Variants in ZNF385D observed in about 807,000 individuals in gnomAD.
ZNF385D encodes the protein zinc finger protein 659.
Under a neutral mutation model 35.8 loss-of-function variants are expected in ZNF385D, and 15 were observed. That is an observed-to-expected ratio of 0.42 (90% CI 0.28 to 0.64). ZNF385D has a LOEUF of 0.64. ZNF385D is among the 30% of genes least tolerant of loss of function. The probability of loss-of-function intolerance (pLI) is 0.23; values close to 1 mark genes in which losing one functional copy is unlikely to be tolerated. For synonymous variants in ZNF385D, 212 were observed against 186.8 expected (o/e 1.13, Z -1.10); for missense variants, 474 against 494.6 (o/e 0.96, Z 0.39).
intron 3 of ZNF385D, among the ~76,000 whole-genome samples, chr3:21,978,842 C>T (rs1316260785): frequency 2.0e-5 from 3 of 151,762 alleles, no homozygotes; most frequent in Admixed American, 1.3e-4. Flanking sequence ...GCATTAGTGA[C>T]CTTGACTGTA....
At chr3:22,102,896 G>A (rs1445262533) in intron 3 of ZNF385D, among the ~76,000 whole-genome samples, 38 of 97,664 alleles carry the variant, frequency 3.9e-4, no homozygotes, top group African/African-American at 1.7e-3. Context: ...ATTTATCAGG[G>A]AAAAAAAAAA....
At chr3:21,855,406 T>C (rs1247050488) in intron 3 of ZNF385D, among the ~76,000 whole-genome samples, 1 of 152,158 alleles carries the variant, frequency 6.6e-6, no homozygotes, top group Middle Eastern at 3.4e-3. Flanking sequence ...CATCTCTTCA[T>C]GGAGATAAGG....
chr3:22,317,915 G>A (rs759181862), intron 2 of ZNF385D, among the ~76,000 whole-genome samples: 9 of 152,168 alleles, frequency 5.9e-5, no homozygotes, highest in Non-Finnish European at 1.3e-4. Flanking sequence ...ACAAAAATTA[G>A]CCAGGCATGG....
At chr3:21,985,865 G>T (rs1694772685) in intron 3 of ZNF385D, among the ~76,000 whole-genome samples, 1 of 125,268 alleles carries the variant, frequency 8.0e-6, no homozygotes, top group Non-Finnish European at 1.6e-5. Context: ...GGTCTATTCA[G>T]AGATTCAACT....
At chr3:21,920,855 T>A (rs1700423541) in intron 3 of ZNF385D, among the ~76,000 whole-genome samples, 1 of 152,128 alleles carries the variant, frequency 6.6e-6, no homozygotes, top group Non-Finnish European at 1.5e-5. Context: ...ATGATTAACT[T>A]CAATACATGC....
At chr3:22,171,504 G>T (rs929345981) in intron 2 of ZNF385D, among the ~76,000 whole-genome samples, 22 of 152,174 alleles carry the variant, frequency 1.4e-4, no homozygotes, top group African/African-American at 5.1e-4. Flanking sequence ...ACTTTAAAAG[G>T]AAATAGAAAA....
chr3:22,260,536 T>A (rs1700574612), intron 2 of ZNF385D, among the ~76,000 whole-genome samples: 2 of 151,966 alleles, frequency 1.3e-5, no homozygotes, highest in Non-Finnish European at 1.5e-5. Flanking sequence ...TACATTAGAA[T>A]TGATTTTGAT....
At chr3:22,293,152 A>G (rs527249441) in intron 2 of ZNF385D, among the ~76,000 whole-genome samples, 1 of 152,138 alleles carries the variant, frequency 6.6e-6, no homozygotes, top group Non-Finnish European at 1.5e-5. Context: ...AAAAGCCTTC[A>G]TAGAAATCCC....
At chr3:21,716,481 T>C (rs1022007669) in intron 1 of ZNF385D, among the ~76,000 whole-genome samples, 1 of 152,176 alleles carries the variant, frequency 6.6e-6, no homozygotes, top group Non-Finnish European at 1.5e-5. Flanking sequence ...CTCTGTATTA[T>C]TTCTCTGACA....
intron 3 of ZNF385D, among the ~76,000 whole-genome samples, chr3:21,961,820 G>C (rs1274506570): frequency 1.3e-5 from 2 of 152,040 alleles, no homozygotes; most frequent in African/African-American, 2.4e-5. Context: ...GGATGGGATG[G>C]GGAGCAACTC....
At chr3:22,285,466 A>G (rs906569991) in intron 2 of ZNF385D, among the ~76,000 whole-genome samples, 1 of 152,178 alleles carries the variant, frequency 6.6e-6, no homozygotes, top group Non-Finnish European at 1.5e-5. Context: ...TTCTCTACTG[A>G]AAAATGTAAA....
chr3:21,943,242 T>C (rs1038123282), intron 3 of ZNF385D, among the ~76,000 whole-genome samples: 3 of 151,844 alleles, frequency 2.0e-5, no homozygotes, highest in Non-Finnish European at 4.4e-5. Context: ...TAGTAAATAC[T>C]AAATGGATAT....
At chr3:21,456,669 G>A (rs1702836275) in intron 4 of ZNF385D, among the ~76,000 whole-genome samples, 1 of 152,062 alleles carries the variant, frequency 6.6e-6, no homozygotes, top group Non-Finnish European at 1.5e-5. Context: ...ACACCAACAT[G>A]TCACATGTAT....
At chr3:21,586,857 GTAT>G (rs1166315745) in intron 2 of ZNF385D, among the ~76,000 whole-genome samples, 2 of 152,180 alleles carry the variant, frequency 1.3e-5, no homozygotes, top group Non-Finnish European at 2.9e-5. Flanking sequence ...GAATTAGCAA[GTAT>G]TGAAATAAAG....
intron 3 of ZNF385D, among the ~76,000 whole-genome samples, chr3:22,077,530 G>C (rs923837114): frequency 2.6e-5 from 4 of 151,900 alleles, no homozygotes; most frequent in Admixed American, 1.3e-4. Flanking sequence ...GTCTTCTTTT[G>C]TCTTAGCAAA....
At chr3:21,771,154 G>C (rs1346536742) in intron 3 of ZNF385D, among the ~76,000 whole-genome samples, 2 of 151,730 alleles carry the variant, frequency 1.3e-5, no homozygotes, top group Admixed American at 6.6e-5. Context: ...ACGAGTTAAT[G>C]GGTGCAGCAC....
chr3:22,179,733 A>T (rs189501851), intron 2 of ZNF385D, among the ~76,000 whole-genome samples: 9 of 152,266 alleles, frequency 5.9e-5, no homozygotes, highest in Admixed American at 3.9e-4. Context: ...GTTCTTTGAA[A>T]CCAATGAGAA....
chr3:21,894,259 T>C (rs1699021635), intron 3 of ZNF385D, among the ~76,000 whole-genome samples: 1 of 152,178 alleles, frequency 6.6e-6, no homozygotes, highest in Non-Finnish European at 1.5e-5. Context: ...AGGTTAATAA[T>C]CCACTGTCAC....
At chr3:22,037,929 C>T (rs182514427) in intron 3 of ZNF385D, among the ~76,000 whole-genome samples, 3 of 152,198 alleles carry the variant, frequency 2.0e-5, no homozygotes, top group African/African-American at 7.2e-5. Flanking sequence ...TGCCACATAT[C>T]TACAACTATC....
Sources: gnomAD v4.1 joint callset for allele counts (sites outside exome capture counted in the v4.1 genomes callset) on GRCh38, gnomAD v4.1.1 for gene constraint, MANE v1.5 for transcripts, NCBI Gene and HGNC (gene_info 2026-07-23, HGNC 2026-07-21) for gene names.